The following SMAD3 variants were observed in gnomAD, a reference collection of about 807,000 sequenced individuals.
SMAD3 encodes SMAD family member 3.
SMAD3 carries 12 observed loss-of-function variants against 51.8 expected under a neutral mutation model. That is an observed-to-expected ratio of 0.23 (90% CI 0.15 to 0.38). SMAD3 has a LOEUF of 0.38. Ranked by LOEUF, SMAD3 falls within the 10% of genes least tolerant of loss-of-function variation. The pLI is 1.00. For missense variants in SMAD3, 294 were observed against 565.6 expected (o/e 0.52, Z 4.87); for synonymous variants, 238 against 227.7 (o/e 1.05, Z -0.41).
intron 7 of SMAD3, chr15:67,187,065 C>CTT (rs1963239965): frequency 1.8e-6 from 1 of 564,834 alleles, no homozygotes; most frequent in Non-Finnish European, 3.4e-6. Context: ...TGGAAGCCCT[C>CTT]TTTGCAGACT....
At chr15:67,182,109 T>C (rs960093027) in intron 6 of SMAD3, among the ~76,000 whole-genome samples, 1 of 152,222 alleles carries the variant, frequency 6.6e-6, no homozygotes, top group Non-Finnish European at 1.5e-5. Context: ...ATAAAAATAC[T>C]CTGAAAGTAC....
At chr15:67,115,958 C>A (rs1411165625) in intron 1 of SMAD3, among the ~76,000 whole-genome samples, 1 of 145,862 alleles carries the variant, frequency 6.9e-6, no homozygotes, top group East Asian at 1.9e-4. Context: ...TCTCTCATCT[C>A]TGGACTTCTG....
chr15:67,124,196 G>C (rs933112595), intron 1 of SMAD3, among the ~76,000 whole-genome samples: 2 of 152,232 alleles, frequency 1.3e-5, no homozygotes, highest in Middle Eastern at 3.4e-3. Flanking sequence ...GCTATCATGG[G>C]CAGGCTGGTC....
chr15:67,149,414 C>T (rs568655060), intron 1 of SMAD3, among the ~76,000 whole-genome samples: 10 of 152,236 alleles, frequency 6.6e-5, no homozygotes, highest in African/African-American at 2.4e-4. Flanking sequence ...CGGGAGGACG[C>T]CTCACCTGGA....
intron 6 of SMAD3, among the ~76,000 whole-genome samples, chr15:67,183,027 A>ATTTTTTTTTT (rs1567000847): frequency 3.1e-5 from 2 of 63,842 alleles, no homozygotes; most frequent in African/African-American, 1.5e-4. Flanking sequence ...ATATATATAT[A>ATTTTTTTTTT]TATATTTTTT....
At chr15:67,112,148 T>TC (rs373861830) in intron 1 of SMAD3, among the ~76,000 whole-genome samples, 13 of 67,978 alleles carry the variant, frequency 1.9e-4, no homozygotes, top group Admixed American at 3.9e-4. Context: ...TCTTTTTTTT[T>TC]CTTTCCTTTT....
At chr15:67,188,077 T>C (rs570398638) in intron 8 of SMAD3, among the ~76,000 whole-genome samples, 26 of 151,932 alleles carry the variant, frequency 1.7e-4, no homozygotes, top group South Asian at 1.7e-3. Context: ...TGGGTAGTTA[T>C]AAAGGAACAA....
At chr15:67,096,767 A>G (rs939058915) in intron 1 of SMAD3, among the ~76,000 whole-genome samples, 1 of 152,118 alleles carries the variant, frequency 6.6e-6, no homozygotes, top group Non-Finnish European at 1.5e-5. Flanking sequence ...TTGCACGTGC[A>G]GCCTCTAGAT....
At chr15:67,155,069 G>C (rs35533195) in intron 1 of SMAD3, among the ~76,000 whole-genome samples, 38,910 of 152,136 alleles carry the variant, frequency 0.26, 5,133 homozygotes, top group East Asian at 0.4. Context: ...TAATGCATCA[G>C]AGTCTGTTTC....
At chr15:67,137,976 TATC>T in intron 1 of SMAD3, 1 of 1,351,680 alleles carries the variant, frequency 7.4e-7, no homozygotes, top group South Asian at 1.3e-5. Context: ...GTATTGTCCT[TATC>T]ATCAGAATCC....
intron 8 of SMAD3, among the ~76,000 whole-genome samples, chr15:67,188,212 A>C (rs1441517971): frequency 7.3e-6 from 1 of 136,986 alleles, no homozygotes; most frequent in Non-Finnish European, 1.5e-5. Flanking sequence ...AGTGAGTGGC[A>C]CCATCTTGGC....
intron 1 of SMAD3, among the ~76,000 whole-genome samples, chr15:67,086,830 AACGTGG>A (rs1360571903): frequency 4.6e-5 from 7 of 151,950 alleles, no homozygotes; most frequent in Non-Finnish European, 8.8e-5. Flanking sequence ...TGGATCAAGG[AACGTGG>A]ACCTGAGCAA....
chr15:67,126,532 C>G (rs1244559565), intron 1 of SMAD3, among the ~76,000 whole-genome samples: 1 of 152,172 alleles, frequency 6.6e-6, no homozygotes, highest in Non-Finnish European at 1.5e-5. Flanking sequence ...GCTGACCCTG[C>G]TCCAACTTCC....
At chr15:67,085,720 A>C (rs779141500) in intron 1 of SMAD3, among the ~76,000 whole-genome samples, 4 of 152,164 alleles carry the variant, frequency 2.6e-5, no homozygotes, top group Non-Finnish European at 5.9e-5. Context: ...GGCCTGGGGA[A>C]ATCCATGTTT....
chr15:67,150,798 C>CTTTTTT (rs774186264), intron 1 of SMAD3, among the ~76,000 whole-genome samples: 12 of 35,522 alleles, frequency 3.4e-4, no homozygotes, highest in Non-Finnish European at 5.1e-4. Context: ...CCATGTCCTG[C>CTTTTTT]TTTTTTTTTT....
intron 1 of SMAD3, among the ~76,000 whole-genome samples, chr15:67,107,815 G>T (rs551667559): frequency 1.4e-4 from 21 of 152,238 alleles, no homozygotes; most frequent in Middle Eastern, 6.8e-3. Context: ...GGGGAATTTT[G>T]GGTTTGTTTT....
intron 1 of SMAD3, among the ~76,000 whole-genome samples, chr15:67,074,007 C>T (rs904397367): frequency 6.6e-5 from 10 of 152,212 alleles, no homozygotes; most frequent in Admixed American, 5.9e-4. Context: ...CAGTTGCACG[C>T]ATCTAGTTGA....
chr15:67,137,902 A>G (rs1961706263), intron 1 of SMAD3: 1 of 677,230 alleles, frequency 1.5e-6, no homozygotes, highest in Non-Finnish European at 2.7e-6. Context: ...GGGTGTTGCC[A>G]GGGCTCTTCT....
At chr15:67,158,191 T>C (rs1244669049) in intron 1 of SMAD3, among the ~76,000 whole-genome samples, 2 of 152,202 alleles carry the variant, frequency 1.3e-5, no homozygotes, top group Non-Finnish European at 2.9e-5. Flanking sequence ...ATTTACTTAA[T>C]GGGCCCAGTG....
Sources: allele counts gnomAD v4.1 joint callset (sites outside exome capture counted in the v4.1 genomes callset), GRCh38; gene constraint gnomAD v4.1.1; transcripts MANE v1.5; gene names NCBI Gene and HGNC (gene_info 2026-07-23, HGNC 2026-07-21).